Variants in CISD1 observed in about 807,000 individuals in gnomAD.
CISD1 encodes the protein CDGSH iron sulfur domain 1.
CISD1 carries 8 observed loss-of-function variants against 12.0 expected under a neutral mutation model. The observed-to-expected ratio is 0.67, with a 90% CI of 0.39 to 1.20. The LOEUF (loss-of-function observed/expected upper bound fraction) is 1.20. Among genes scored for constraint, CISD1 ranks in the 50% most tolerant of loss-of-function variants. CISD1 has a pLI of 0.01. For missense variants in CISD1, 107 were observed against 132.7 expected (o/e 0.81, Z 0.95); for synonymous variants, 38 against 42.2 (o/e 0.90, Z 0.39).
At chr10:58,272,916 C>T (rs1839265318) in intron 1 of CISD1, among the ~76,000 whole-genome samples, 2 of 151,494 alleles carry the variant, frequency 1.3e-5, no homozygotes, top group African/African-American at 2.4e-5. Context: ...GAGACTCCAT[C>T]GCAAAAAAAA....
intron 2 of CISD1, among the ~76,000 whole-genome samples, chr10:58,283,364 A>AT (rs1235044390): frequency 1.3e-5 from 2 of 152,200 alleles, no homozygotes; most frequent in African/African-American, 4.8e-5. Context: ...AAATAGGTAC[A>AT]TAAGAATGGT....
At chr10:58,276,840 T>G (rs543728473) in intron 1 of CISD1, among the ~76,000 whole-genome samples, 156 of 151,752 alleles carry the variant, frequency 1.0e-3, no homozygotes, top group African/African-American at 3.6e-3. Context: ...GAGCTTTGGG[T>G]TTTTTTTACT....
chr10:58,274,052 T>A (rs1322101829), intron 1 of CISD1, among the ~76,000 whole-genome samples: 1 of 152,088 alleles, frequency 6.6e-6, no homozygotes, highest in Admixed American at 6.6e-5. Flanking sequence ...GAGAATTGCT[T>A]GAACCCAGGA....
intron 1 of CISD1, among the ~76,000 whole-genome samples, chr10:58,273,018 C>A (rs1839266548): frequency 6.6e-6 from 1 of 151,992 alleles, no homozygotes; most frequent in Non-Finnish European, 1.5e-5. Context: ...TATAGTATTC[C>A]CTGTGTGTGT....
At chr10:58,286,714 A>G (rs1839433822) in intron 2 of CISD1, among the ~76,000 whole-genome samples, 1 of 152,176 alleles carries the variant, frequency 6.6e-6, no homozygotes, top group South Asian at 2.1e-4. Flanking sequence ...CCCACTGGAC[A>G]CCAAAACAGC....
intron 2 of CISD1, among the ~76,000 whole-genome samples, chr10:58,281,554 T>C (rs907377554): frequency 1.3e-5 from 2 of 152,248 alleles, no homozygotes; most frequent in African/African-American, 4.8e-5. Flanking sequence ...ACTCCCCACA[T>C]TCCTGTGGTT....
intron 1 of CISD1, among the ~76,000 whole-genome samples, chr10:58,273,891 T>G (rs113836834): frequency 0.018 from 2,760 of 152,278 alleles, 91 homozygotes; most frequent in African/African-American, 0.061. Context: ...CCCAGCACTT[T>G]GGGAGGCCGA....
At chr10:58,286,110 C>T (rs1048271642) in intron 2 of CISD1, among the ~76,000 whole-genome samples, 1 of 150,610 alleles carries the variant, frequency 6.6e-6, no homozygotes. Context: ...GAGTCTGAGG[C>T]AGGAGAATGG....
At chr10:58,278,505 A>G (rs1464022027) in intron 2 of CISD1, among the ~76,000 whole-genome samples, 2 of 152,158 alleles carry the variant, frequency 1.3e-5, no homozygotes, top group Non-Finnish European at 2.9e-5. Context: ...ATTGCATCAC[A>G]CTGCGTTCCA....
intron 1 of CISD1, chr10:58,276,360 T>A (rs1215433036): frequency 1.3e-5 from 2 of 151,804 alleles, no homozygotes; most frequent in Admixed American, 6.6e-5. Context: ...TAAAATATAT[T>A]TAGAATTTAT....
intron 1 of CISD1, 53 bp downstream of exon 1, chr10:58,269,357 GC>G: frequency 6.5e-7 from 1 of 1,548,966 alleles, no homozygotes. Context: ...CGGTTGCCGC[GC>G]CCGCAGTTCG....
intron 2 of CISD1, among the ~76,000 whole-genome samples, chr10:58,280,445 G>A (rs1019241886): frequency 2.0e-5 from 3 of 152,240 alleles, no homozygotes; most frequent in Admixed American, 6.5e-5. Context: ...AGGATTAGAA[G>A]AGGGTTATGC....
chr10:58,287,070 G>A (rs1440228865), intron 2 of CISD1, among the ~76,000 whole-genome samples: 2 of 152,002 alleles, frequency 1.3e-5, no homozygotes, highest in African/African-American at 4.8e-5. Context: ...ATGCGCACTC[G>A]CCACCATGCC....
intron 1 of CISD1, among the ~76,000 whole-genome samples, chr10:58,271,416 C>G (rs1758237612): frequency 6.6e-6 from 1 of 152,168 alleles, no homozygotes; most frequent in African/African-American, 2.4e-5. Flanking sequence ...CTTTGTAAAT[C>G]TCTTCTACCA....
Position 58,277,174 on chromosome 10 carries a change from C to T in CISD1, c.89C>T (p.Ala30Val), listed in dbSNP as rs187918613. ...AAGTAAIGYL[A>V]YKRFYVKDHR... ...GGGACAGCTGCAATTGGTTATCTAG[C>T]TTACAAAAGATTTTATGTTAAAGAT... is the stretch of plus-strand genomic sequence containing the variant. Residue 30 changes from alanine (A) to valine (V), a missense_variant, in exon 2 of 3, where the codon GCT (alanine) becomes GTT (valine). Ala to Val is a moderately conservative substitution (Grantham distance 64, BLOSUM62 0). Transcript: ENST00000333926. 15 of 1,612,198 alleles carry T rather than the reference C, an allele frequency of 9.3e-6. 1 individual carries two copies. The Admixed American group carries it at 2.5e-4, about 27-fold the overall frequency.
At chr10:58,271,948 C>G (rs916121808) in intron 1 of CISD1, among the ~76,000 whole-genome samples, 3 of 152,136 alleles carry the variant, frequency 2.0e-5, no homozygotes, top group South Asian at 2.1e-4. Context: ...CTCGTCCAGT[C>G]TCTTATGATT....
chr10:58,270,773 GC>G (rs1224848982), intron 1 of CISD1, among the ~76,000 whole-genome samples: 1 of 152,148 alleles, frequency 6.6e-6, no homozygotes, highest in Non-Finnish European at 1.5e-5. Context: ...GAATTCAAAG[GC>G]AACTTTCCCA....
In CISD1 at chr10:58,287,586, C is replaced by T. The variant is rs1839442906; in HGVS notation, c.263C>T (p.Thr88Ile). The change falls in exon 3 of 3, where the codon ACA becomes ATA. Residue 88 changes from threonine to isoleucine, a missense_variant. Thr to Ile is a moderately conservative substitution (Grantham distance 89). Transcript: ENST00000333926. ...TTCCCATTCTGTGATGGGGCTCACA[C>T]AAAACATAACGAAGAGACTGGAGAC... ...KKFPFCDGAH[T>I]KHNEETGDNV... The T allele has an allele frequency of 6.2e-7, 1 of 1,610,016 alleles. No individual in the cohort carries two copies. The highest frequency in any genetic ancestry group is 1.1e-5 in the South Asian group (1 of 90,378).
chr10:58,287,013 A>G (rs368862631), intron 2 of CISD1, among the ~76,000 whole-genome samples: 9 of 152,262 alleles, frequency 5.9e-5, no homozygotes, highest in African/African-American at 2.2e-4. Flanking sequence ...GCTCACCGCA[A>G]CTTCCCCTCC....
Sources: allele counts gnomAD v4.1 joint callset (sites outside exome capture counted in the v4.1 genomes callset), GRCh38; gene constraint gnomAD v4.1.1; transcripts MANE v1.5; gene names NCBI Gene and HGNC (gene_info 2026-07-23, HGNC 2026-07-21).